Variants in MYLK observed in about 807,000 individuals in gnomAD.
The protein encoded by MYLK is myosin light chain kinase.
A neutral mutation model predicts 203.4 loss-of-function variants in MYLK; 106 were observed. The observed-to-expected ratio is 0.52, with a 90% confidence interval of 0.45 to 0.61. The LOEUF (loss-of-function observed/expected upper bound fraction) is 0.61. MYLK is among the 20% of genes least tolerant of loss of function. The pLI is 0.00. For missense variants in MYLK, 2,072 were observed against 2,442.3 expected (o/e 0.85, Z 3.20); for synonymous variants, 867 against 959.5 (o/e 0.90, Z 1.78).
At chr3:123,864,887 C>T (rs2032221146) in intron 2 of MYLK, among the ~76,000 whole-genome samples, 1 of 152,200 alleles carries the variant, frequency 6.6e-6, no homozygotes, top group Non-Finnish European at 1.5e-5. Context: ...TCCATCTCTA[C>T]ATATATGTGA....
At chr3:123,724,855 C>T (rs2062224062) in intron 12 of MYLK, among the ~76,000 whole-genome samples, 1 of 152,122 alleles carries the variant, frequency 6.6e-6, no homozygotes, top group Admixed American at 6.5e-5. Flanking sequence ...AGCGATTCTC[C>T]TGCCTAGCCT....
chr3:123,657,309 C>G lies in MYLK; in HGVS notation c.4105G>C (p.Glu1369Gln). 1 of 1,614,056 alleles carries G rather than the reference C, an allele frequency of 6.2e-7. No individual in the cohort carries two copies. The highest frequency in any genetic ancestry group is 8.5e-7 in the Non-Finnish European group (1 of 1,180,028). ...GTCTTGTTGGCTGAGTCCCAGATCTCGATGCTGTAGGACTGTACAGCACTG... is the reference window on the plus strand; with the variant it reads ...GTCTTGTTGGCTGAGTCCCAGATCTGGATGCTGTAGGACTGTACAGCACTG... ...GGSAVQSYSI[E>Q]IWDSANKTWK... Residue 1369 changes from glutamate to glutamine, a missense_variant, in exon 24 of 34, where the codon GAG (glutamate) becomes CAG (glutamine). Glu to Gln is a conservative substitution (Grantham distance 29). This residue lies in a region of MYLK where 524 missense variants were observed against 782.4 expected (regional missense o/e 0.67). Transcript: ENST00000360304.
At chr3:123,664,626 T>C (rs923370994) in intron 22 of MYLK, among the ~76,000 whole-genome samples, 1 of 152,260 alleles carries the variant, frequency 6.6e-6, no homozygotes, top group African/African-American at 2.4e-5. Flanking sequence ...CAGTGGGTTC[T>C]AGCCTCTTCT....
At chr3:123,621,528 G>A (rs1181646255) in intron 31 of MYLK, 1 of 152,194 alleles carries the variant, frequency 6.6e-6, no homozygotes, top group Non-Finnish European at 1.5e-5. Flanking sequence ...CACAATTTAG[G>A]ACTAGTTGGA....
intron 19 of MYLK, among the ~76,000 whole-genome samples, chr3:123,688,563 T>A (rs1239059555): frequency 6.6e-6 from 1 of 152,156 alleles, no homozygotes; most frequent in Non-Finnish European, 1.5e-5. Flanking sequence ...TGATCCTTCA[T>A]AAATGTCCAG....
At chr3:123,837,002 T>G (rs116130493) in intron 2 of MYLK, among the ~76,000 whole-genome samples, 2 of 152,324 alleles carry the variant, frequency 1.3e-5, no homozygotes, top group Non-Finnish European at 2.9e-5. Context: ...GACAAAATAA[T>G]AATTCCTATC....
chr3:123,747,897 G>A (rs1055511977), intron 5 of MYLK, among the ~76,000 whole-genome samples: 16 of 152,094 alleles, frequency 1.1e-4, no homozygotes, highest in Admixed American at 1.0e-3. Context: ...ACTGGGGCTG[G>A]GGCACACCCA....
intron 13 of MYLK, among the ~76,000 whole-genome samples, chr3:123,714,067 T>C (rs963748967): frequency 1.3e-5 from 2 of 152,186 alleles, no homozygotes; most frequent in African/African-American, 4.8e-5. Context: ...ACCAGAACTT[T>C]CATGTAACGA....
intron 2 of MYLK, among the ~76,000 whole-genome samples, chr3:123,873,590 A>G (rs2032947639): frequency 1.3e-5 from 2 of 152,190 alleles, no homozygotes; most frequent in Non-Finnish European, 1.5e-5. Flanking sequence ...TCAGTTTAGA[A>G]AAGTCAAAAG....
chr3:123,615,755 C>T (rs1379221500), intron 33 of MYLK, among the ~76,000 whole-genome samples: 1 of 151,186 alleles, frequency 6.6e-6, no homozygotes, highest in African/African-American at 2.4e-5. Context: ...CTCAAGTGAT[C>T]CTTCCACCTC....
At chr3:123,796,658 A>G (rs1457053213) in intron 3 of MYLK, among the ~76,000 whole-genome samples, 1 of 152,180 alleles carries the variant, frequency 6.6e-6, no homozygotes, top group Non-Finnish European at 1.5e-5. Context: ...ACCACTGAAC[A>G]CTCTTGGCTC....
intron 4 of MYLK, among the ~76,000 whole-genome samples, chr3:123,778,231 C>A (rs1369886454): frequency 2.6e-5 from 4 of 152,082 alleles, no homozygotes; most frequent in South Asian, 2.1e-4. Flanking sequence ...TACTCCAGTA[C>A]ACATATATGG....
intron 23 of MYLK, among the ~76,000 whole-genome samples, chr3:123,662,195 T>C (rs2059585951): frequency 6.6e-6 from 1 of 152,134 alleles, no homozygotes; most frequent in South Asian, 2.1e-4. Context: ...TCCTTTACCT[T>C]TTGGGACATT....
chr3:123,621,726 A>AC (rs914118241), intron 31 of MYLK: 6 of 152,214 alleles, frequency 3.9e-5, no homozygotes, highest in African/African-American at 1.4e-4. Flanking sequence ...TGCACTTTGG[A>AC]CAGACATTTC....
At chr3:123,882,101 G>A (rs1463116379) in intron 1 of MYLK, among the ~76,000 whole-genome samples, 4 of 152,224 alleles carry the variant, frequency 2.6e-5, no homozygotes, top group African/African-American at 7.2e-5. Context: ...AGCCCCTGAT[G>A]AAGGGGTGAG....
In MYLK at chr3:123,648,922, G is replaced by T. The variant is rs765770042; in HGVS notation, c.4415+49C>A. 2.0e-6 allele frequency: 3 copies of T among 1,527,278 alleles called. No individual in the cohort carries two copies. Among genetic ancestry groups the T allele is most frequent in the African/African-American group, 2.7e-5 (2 of 73,046 alleles). The allele number at this position is 1,527,278 out of a possible 1,614,324, so 94.6% of individuals were successfully genotyped here. A position where few individuals can be genotyped will look rare whatever the true frequency, so the allele number is the denominator to read the frequency against. The stretch of plus-strand genomic sequence containing the variant: ...GGCACTGAATCTAACTGTGAGACCC[G>T]CACCACCCTCACCCTGGGAGCCCAG... On this transcript the variant is annotated intron_variant, in intron 26 of 33. Transcript: ENST00000360304. The surrounding 1 kb of genome is among the most constrained non-coding windows in gnomAD (Gnocchi z 4.5).
rs190753702 is a variant in MYLK, at chr3:123,808,152, G to A, written c.-3-14308C>T. 2.1e-3 allele frequency among the ~76,000 whole-genome samples: 316 copies of A among 152,312 alleles called. 1 individual carries two copies. The highest frequency in any genetic ancestry group is 1.3e-3 in the Non-Finnish European group (88 of 68,018). ...AGCCTCCTTCACCCTTCACTGCAGAGGGCTGTCTCTCTCCCTGTTTCTGCT... is the reference window on the plus strand; with the variant it reads ...AGCCTCCTTCACCCTTCACTGCAGAAGGCTGTCTCTCTCCCTGTTTCTGCT... On this transcript the variant is annotated intron_variant, in intron 3 of 33. Transcript: ENST00000360304.
chr3:123,734,969 G>A, intron 9 of MYLK: 4 of 299,000 alleles, frequency 1.3e-5, no homozygotes, highest in East Asian at 7.8e-5. Flanking sequence ...GCGTTCGTGT[G>A]GTTTAAGCCC....
At chr3:123,658,928 C>A (rs2059477905) in intron 23 of MYLK, among the ~76,000 whole-genome samples, 1 of 152,338 alleles carries the variant, frequency 6.6e-6, no homozygotes, top group East Asian at 1.9e-4. Flanking sequence ...ACCCCAATAA[C>A]CAAAGCCCTG....
Sources: gnomAD v4.1 joint callset for allele counts (sites outside exome capture counted in the v4.1 genomes callset) on GRCh38, gnomAD v4.1.1 for gene constraint, gnomAD v4.1.1 regional missense constraint, Gnocchi (gnomAD v3.1) non-coding constraint, MANE v1.5 for transcripts, NCBI Gene and HGNC (gene_info 2026-07-23, HGNC 2026-07-21) for gene names.